Variants in KDM4B observed in about 807,000 individuals in gnomAD.
KDM4B encodes the protein lysine demethylase 4B.
In KDM4B, 32 loss-of-function variants were observed where a neutral mutation model predicts 125.2. That is an observed-to-expected ratio of 0.26 (90% CI 0.19 to 0.34). The LOEUF is 0.34. Among genes scored for constraint, KDM4B ranks in the 10% least tolerant of loss-of-function variants. The probability of loss-of-function intolerance (pLI) is 1.00; values close to 1 mark genes in which losing one functional copy is unlikely to be tolerated. For synonymous variants in KDM4B, 721 were observed against 677.9 expected (o/e 1.06, Z -0.99); for missense variants, 1,190 against 1,577.7 (o/e 0.75, Z 4.16).
intron 9 of KDM4B, among the ~76,000 whole-genome samples, chr19:5,100,692 G>A (rs2145949204): frequency 6.6e-6 from 1 of 152,256 alleles, no homozygotes; most frequent in East Asian, 1.9e-4. Flanking sequence ...CTGGGATTAA[G>A]GCGTGAGCCA....
intron 11 of KDM4B, among the ~76,000 whole-genome samples, chr19:5,122,396 G>T (rs748796152): frequency 1.3e-5 from 2 of 152,324 alleles, no homozygotes; most frequent in East Asian, 3.9e-4. Context: ...GCCACGGGAG[G>T]GGACAGATTC....
At chr19:5,131,654 G>A (rs2039557542) in intron 12 of KDM4B, 109 bp downstream of exon 12, 3 of 624,330 alleles carry the variant, frequency 4.8e-6, no homozygotes, top group Middle Eastern at 4.5e-4. Flanking sequence ...GGGGCAGGGA[G>A]GAGGGGACAG....
At chr19:5,039,443 AC>A (rs1241546928) in intron 3 of KDM4B, among the ~76,000 whole-genome samples, 1 of 151,992 alleles carries the variant, frequency 6.6e-6, no homozygotes, top group African/African-American at 2.4e-5. Flanking sequence ...TGACAGCAAG[AC>A]CCTGTCTCAA....
intron 11 of KDM4B, among the ~76,000 whole-genome samples, chr19:5,124,463 C>G (rs912632919): frequency 1.3e-5 from 2 of 152,102 alleles, no homozygotes; most frequent in African/African-American, 4.8e-5. Flanking sequence ...CACAAGGATC[C>G]CCCGTACCAT....
At chr19:5,061,460 C>T (rs2037595001) in intron 6 of KDM4B, among the ~76,000 whole-genome samples, 1 of 152,218 alleles carries the variant, frequency 6.6e-6, no homozygotes, top group Non-Finnish European at 1.5e-5. Context: ...CCTGGCAGAT[C>T]CTATCTCCCA....
chr19:5,138,674 G>A (rs2039691431), intron 18 of KDM4B, among the ~76,000 whole-genome samples: 1 of 151,984 alleles, frequency 6.6e-6, no homozygotes, highest in African/African-American at 2.4e-5. Context: ...ACAAACAATT[G>A]TAACAATGCT....
intron 2 of KDM4B, 98 bp from the exon 3 acceptor site, chr19:5,032,768 C>A: frequency 8.4e-7 from 1 of 1,184,640 alleles, no homozygotes; most frequent in Non-Finnish European, 1.2e-6. Flanking sequence ...TCCTGGTGGC[C>A]ACGGTATTTT....
chr19:5,080,093 C>T (rs896764974), intron 8 of KDM4B, among the ~76,000 whole-genome samples: 7 of 152,314 alleles, frequency 4.6e-5, no homozygotes, highest in Middle Eastern at 6.8e-3. Context: ...TTCTGCTGCA[C>T]GTGGCTGTCA....
At chr19:5,117,820 G>A (rs1171268439) in intron 10 of KDM4B, among the ~76,000 whole-genome samples, 1 of 152,138 alleles carries the variant, frequency 6.6e-6, no homozygotes, top group East Asian at 1.9e-4. Flanking sequence ...ACCATGCTGT[G>A]TGATGCCATG....
chr19:5,088,085 C>T (rs1394806484), intron 9 of KDM4B, among the ~76,000 whole-genome samples: 1 of 152,234 alleles, frequency 6.6e-6, no homozygotes, highest in African/African-American at 2.4e-5. Context: ...AAGCCCATTC[C>T]TTGTGTTCAC....
At chr19:5,074,323 C>A (rs1181523673) in intron 7 of KDM4B, 1 of 152,312 alleles carries the variant, frequency 6.6e-6, no homozygotes, top group Non-Finnish European at 1.5e-5. Flanking sequence ...TACCCGACCC[C>A]CCTTGTGTTC....
At chr19:5,031,986 C>T (rs969018288) in intron 2 of KDM4B, among the ~76,000 whole-genome samples, 5 of 152,270 alleles carry the variant, frequency 3.3e-5, no homozygotes, top group Admixed American at 1.3e-4. Flanking sequence ...TCCTTGTTTC[C>T]GAATCCTAGA....
chr19:5,138,183 A>C, intron 18 of KDM4B, 113 bp downstream of exon 18: 8 of 755,502 alleles, frequency 1.1e-5, no homozygotes, highest in South Asian at 1.7e-5. Context: ...CTGCGTCTCC[A>C]TGGGGGTGGT....
At chr19:5,025,289 C>G (rs1398087958) in intron 2 of KDM4B, among the ~76,000 whole-genome samples, 1 of 152,240 alleles carries the variant, frequency 6.6e-6, no homozygotes, top group Non-Finnish European at 1.5e-5. Flanking sequence ...GCCCTGGTCT[C>G]CCAGCTTCCT....
Position 4,972,911 on chromosome 19 carries a change from C to T in KDM4B, c.-109+3681C>T, listed in dbSNP as rs779128450. ...CCTGCAATGAGGGGCAGCCCGGCAT[C>T]TGTGGGGTCTTCTGGGCTGCTCTCT... On this transcript the variant is annotated intron_variant, in intron 1 of 22. Coordinates refer to ENST00000159111, the MANE Select transcript of KDM4B (RefSeq NM_015015.3). 3.9e-5 allele frequency among the ~76,000 whole-genome samples: 6 copies of T among 152,206 alleles called. 1 individual carries two copies. Among genetic ancestry groups the T allele is most frequent in the Non-Finnish European group, 7.3e-5 (5 of 68,040 alleles).
intron 21 of KDM4B, among the ~76,000 whole-genome samples, chr19:5,146,765 C>CA (rs1555722902): frequency 3.7e-5 from 5 of 136,826 alleles, no homozygotes; most frequent in Admixed American, 3.6e-4. Flanking sequence ...CCCCCCCCCC[C>CA]ACAATCTCTA....
chr19:5,049,103 G>A (rs2037136070), intron 6 of KDM4B, among the ~76,000 whole-genome samples: 2 of 152,154 alleles, frequency 1.3e-5, no homozygotes, highest in African/African-American at 4.8e-5. Context: ...GGTGCCTGCT[G>A]CTAGGTCAGA....
At chr19:5,052,980 G>C (rs1022531147) in intron 6 of KDM4B, among the ~76,000 whole-genome samples, 1 of 152,234 alleles carries the variant, frequency 6.6e-6, no homozygotes, top group African/African-American at 2.4e-5. Context: ...CAGCCGCTTT[G>C]CTCTGGCTGG....
intron 9 of KDM4B, among the ~76,000 whole-genome samples, chr19:5,086,965 C>G (rs2038522220): frequency 1.3e-5 from 2 of 152,244 alleles, no homozygotes; most frequent in African/African-American, 4.8e-5. Flanking sequence ...GGTGGCTTAC[C>G]TACTTACACA....
Sources: gnomAD v4.1 joint callset for allele counts (sites outside exome capture counted in the v4.1 genomes callset) on GRCh38, gnomAD v4.1.1 for gene constraint, MANE v1.5 for transcripts, NCBI Gene and HGNC (gene_info 2026-07-23, HGNC 2026-07-21) for gene names.